The following EMC2 variants were observed in gnomAD, a reference collection of about 807,000 sequenced individuals.
EMC2 encodes the protein TPR repeat protein 35.
In EMC2, 37 loss-of-function variants were observed where a neutral mutation model predicts 51.6. The observed-to-expected ratio is 0.72, with a 90% confidence interval of 0.55 to 0.94. EMC2 has a LOEUF of 0.94. Among genes scored for constraint, EMC2 ranks in the 40% least tolerant of loss-of-function variants. The pLI, the probability that EMC2 is intolerant of heterozygous loss-of-function variation, is 0.00. For synonymous variants in EMC2, 131 were observed against 112.4 expected (o/e 1.17, Z -1.04); for missense variants, 359 against 350.9 (o/e 1.02, Z -0.18).
At chr8:108,479,196 A>G in intron 10 of EMC2, 86 bp downstream of exon 10, 2 of 599,558 alleles carry the variant, frequency 3.3e-6, no homozygotes, top group South Asian at 3.8e-5. Context: ...TCGTATGTCT[A>G]GCATTGGACT....
chr8:108,488,962 G>T lies in EMC2; in HGVS notation c.*2364G>T, dbSNP rs1338234513. ...AGAGCTTTGTGTGGTAACAGTCATT[G>T]CCTCTTTCTCCTCTTTCTGGCCAAC... On this transcript the variant is annotated 3_prime_UTR_variant, in exon 11 of 11. Transcript: ENST00000220853. Among the ~76,000 whole-genome samples, 1 of 152,158 alleles carries T rather than the reference G, an allele frequency of 6.6e-6. No individual in the cohort carries two copies. Among genetic ancestry groups the T allele is most frequent in the Non-Finnish European group, 1.5e-5 (1 of 68,018 alleles).
At chr8:108,475,340 G>A (rs942963580) in intron 7 of EMC2, 1 of 151,970 alleles carries the variant, frequency 6.6e-6, no homozygotes, top group African/African-American at 2.4e-5. Context: ...TTTTTCATGG[G>A]CTTAGAAATT....
intron 5 of EMC2, 110 bp from the exon 6 acceptor site, chr8:108,469,716 C>A: frequency 2.3e-6 from 2 of 854,958 alleles, no homozygotes; most frequent in Non-Finnish European, 3.8e-6. Context: ...AGTAGTTCTA[C>A]AATGGAATTT....
intron 5 of EMC2, among the ~76,000 whole-genome samples, chr8:108,468,907 A>G (rs1323501205): frequency 6.6e-6 from 1 of 152,044 alleles, no homozygotes; most frequent in Non-Finnish European, 1.5e-5. Context: ...TGTTCTTCCC[A>G]CTATGCAGTT....
At chr8:108,445,742 A>C (rs2130322516) in intron 1 of EMC2, among the ~76,000 whole-genome samples, 1 of 152,336 alleles carries the variant, frequency 6.6e-6, no homozygotes, top group Admixed American at 6.5e-5. Context: ...GAAAGGGACC[A>C]GGCCTGTTTC....
chr8:108,454,513 C>T (rs143437300), intron 4 of EMC2, among the ~76,000 whole-genome samples: 36 of 152,134 alleles, frequency 2.4e-4, no homozygotes, highest in African/African-American at 8.4e-4. Flanking sequence ...TCTTCTCTTT[C>T]GTCATTTGTA....
intron 3 of EMC2, 142 bp from the exon 4 acceptor site, chr8:108,452,920 T>C: frequency 2.2e-6 from 1 of 464,638 alleles, no homozygotes; most frequent in East Asian, 3.4e-5. Flanking sequence ...ATCCATTATT[T>C]GTTACTGATT....
Position 108,488,360 on chromosome 8 carries a change from A to G in EMC2, c.*1762A>G, listed in dbSNP as rs1259415734. ...TTTTTAGTAGAGATGGGGTTTCACC[A>G]TGTTGGCCAGGCTGGTCTGAAACTC... On this transcript the variant is annotated 3_prime_UTR_variant, in exon 11 of 11. Transcript: ENST00000220853. Among the ~76,000 whole-genome samples, 2 of 151,886 alleles carry G rather than the reference A, an allele frequency of 1.3e-5. No homozygotes were observed.
Position 108,470,742 on chromosome 8 carries a change from A to G in EMC2, c.509+621A>G, listed in dbSNP as rs550494088. 2.0e-5 allele frequency: 3 copies of G among 152,240 alleles called. No homozygotes were observed. The East Asian group carries it at 5.8e-4, about 29-fold the overall frequency. The allele number at this position is 152,240 out of a possible 1,614,324, so 9.4% of individuals were successfully genotyped here. On this transcript the variant is annotated intron_variant, in intron 7 of 10. Transcript: ENST00000220853. The stretch of plus-strand genomic sequence containing the variant: ...TCCAGAGTCTTAGTGCAAGTTTTCT[A>G]ATATTACAGCATTAATGCTAACCTC...
chr8:108,444,032 G>T (rs1176621156), intron 1 of EMC2, among the ~76,000 whole-genome samples: 1 of 152,224 alleles, frequency 6.6e-6, no homozygotes, highest in Non-Finnish European at 1.5e-5. Context: ...TGCGGAAGAG[G>T]CGGAATAGGT....
chr8:108,480,887 A>G (rs1220722438), intron 10 of EMC2, among the ~76,000 whole-genome samples: 4 of 152,110 alleles, frequency 2.6e-5, no homozygotes, highest in Non-Finnish European at 4.4e-5. Context: ...GCAGTTTTTT[A>G]CATTTATCTT....
intron 4 of EMC2, among the ~76,000 whole-genome samples, chr8:108,454,485 C>A (rs921379444): frequency 1.3e-5 from 2 of 152,064 alleles, no homozygotes; most frequent in African/African-American, 4.8e-5. Context: ...AAATACCTTA[C>A]AACAGAGTAT....
rs1563701140 is a variant in EMC2 at position 108,475,977 on chromosome 8, G to C, written c.591+14G>C. ...CAGTATGCTGAAGTAAGTGTTTTCAGAACAATGGCATATAATTTTATTTTG... is the reference window on the plus strand; with the variant it reads ...CAGTATGCTGAAGTAAGTGTTTTCACAACAATGGCATATAATTTTATTTTG... On this transcript the variant is annotated intron_variant, in intron 8 of 10. Transcript: ENST00000220853. The C allele has an allele frequency of 7.0e-7, 1 of 1,425,912 alleles. No individual in the cohort carries two copies. Among genetic ancestry groups the C allele is most frequent in the South Asian group, 1.3e-5 (1 of 77,598 alleles). The allele number at this position is 1,425,912 out of a possible 1,614,324, so 88.3% of individuals were successfully genotyped here.
In EMC2 at chr8:108,487,996, C is replaced by T. The variant is rs1389087617; in HGVS notation, c.*1398C>T. 6.6e-6 allele frequency among the ~76,000 whole-genome samples: 1 copy of T among 152,094 alleles called. No individual in the cohort carries two copies. The highest frequency in any genetic ancestry group is 2.4e-5 in the African/African-American group (1 of 41,422). ...GTAACTGCATTTTCAACATGATGAA[C>T]CATTTGAAATTTACATTTTCTGTAA... On this transcript the variant is annotated 3_prime_UTR_variant, in exon 11 of 11. Coordinates refer to ENST00000220853, the MANE Select transcript of EMC2 (RefSeq NM_014673.5).
At chr8:108,449,350 G>A (rs1204988529) in intron 1 of EMC2, among the ~76,000 whole-genome samples, 2 of 150,418 alleles carry the variant, frequency 1.3e-5, no homozygotes, top group Non-Finnish European at 2.9e-5. Flanking sequence ...CTCGGCTCAC[G>A]CAATCTCTGC....
At chr8:108,475,772 G>T in intron 7 of EMC2, 110 bp from the exon 8 acceptor site, 1 of 589,260 alleles carries the variant, frequency 1.7e-6, no homozygotes, top group Non-Finnish European at 3.0e-6. Flanking sequence ...AATTATATTG[G>T]GAATAAATTG....
chr8:108,479,356 T>G (rs780336246), intron 10 of EMC2, among the ~76,000 whole-genome samples: 12 of 152,176 alleles, frequency 7.9e-5, no homozygotes. Context: ...GGTTCTGCAT[T>G]TGGCAAACGC....
Position 108,449,899 on chromosome 8 carries a change from A to G in EMC2, c.117A>G (p.Glu39=). ...AGCAAATTGTGGAAGTTGGAGAAGA[A>G]TTAATTAATGAATATGCTTCTAAGC... is the stretch of plus-strand genomic sequence containing the variant. ...NSEQIVEVGE[E]LINEYASKLG... is the part of the protein sequence containing the mutation. Residue 39 remains glutamate (E), a synonymous_variant, in exon 2 of 11, where the codon GAA becomes GAG. Transcript: ENST00000220853. 6.3e-7 allele frequency: 1 copy of G among 1,589,916 alleles called. No individual in the cohort carries two copies. Among genetic ancestry groups the G allele is most frequent in the Non-Finnish European group, 8.6e-7 (1 of 1,158,472 alleles).
At chr8:108,474,854 C>T (rs951090694) in intron 7 of EMC2, 2 of 151,618 alleles carry the variant, frequency 1.3e-5, no homozygotes, top group Admixed American at 6.6e-5. Flanking sequence ...ATAATAATTT[C>T]CTTCTTCCTA....
Sources: gnomAD v4.1 joint callset for allele counts (sites outside exome capture counted in the v4.1 genomes callset) on GRCh38, gnomAD v4.1.1 for gene constraint, MANE v1.5 for transcripts, NCBI Gene and HGNC (gene_info 2026-07-23, HGNC 2026-07-21) for gene names.